DRG1: variants seen among roughly 807,000 people sequenced by gnomAD.
The protein encoded by DRG1 is developmentally-regulated GTP-binding protein 1.
In DRG1, 19 loss-of-function variants were observed where a neutral mutation model predicts 38.8. The ratio of observed to expected loss-of-function variants is 0.49; its 90% CI spans 0.34 to 0.72. The LOEUF is 0.72. DRG1 is among the 30% of genes least tolerant of loss of function. DRG1 has a pLI of 0.01. For synonymous variants in DRG1, 167 were observed against 157.5 expected, an observed-to-expected ratio of 1.06 and a Z score of -0.45; for missense variants, 299 against 444.8, an observed-to-expected ratio of 0.67 and a Z score of 2.95.
intron 8 of DRG1, among the ~76,000 whole-genome samples, chr22:31,429,496 C>A (rs1440418825): frequency 6.6e-6 from 1 of 152,008 alleles, no homozygotes; most frequent in Non-Finnish European, 1.5e-5. Context: ...GCTACCACTT[C>A]TTTATTTAAC....
intron 8 of DRG1, among the ~76,000 whole-genome samples, chr22:31,427,842 T>C (rs2050119575): frequency 6.6e-6 from 1 of 152,128 alleles, no homozygotes; most frequent in African/African-American, 2.4e-5. Context: ...CAAGTGATTC[T>C]CCTGCCTCAA....
intron 4 of DRG1, among the ~76,000 whole-genome samples, chr22:31,415,815 A>G (rs184217195): frequency 1.1e-4 from 17 of 152,146 alleles, no homozygotes; most frequent in East Asian, 7.7e-4. Flanking sequence ...AGGGTATCCA[A>G]TTTTAATTTT....
At chr22:31,418,328 A>C (rs2050055617) in intron 4 of DRG1, among the ~76,000 whole-genome samples, 1 of 152,048 alleles carries the variant, frequency 6.6e-6, no homozygotes, top group Admixed American at 6.6e-5. Flanking sequence ...GACATGGCAC[A>C]CATGTGTAGT....
chr22:31,430,916 C>T (rs755497958), intron 8 of DRG1, among the ~76,000 whole-genome samples: 7 of 150,928 alleles, frequency 4.6e-5, no homozygotes, highest in Non-Finnish European at 7.4e-5. Flanking sequence ...CAGGGTCTCC[C>T]TATGTTGCCC....
At chr22:31,432,613 AGATGGGGTTTCACCATGTTGGCCAG>A (rs2050145867) in intron 8 of DRG1, among the ~76,000 whole-genome samples, 1 of 151,992 alleles carries the variant, frequency 6.6e-6, no homozygotes, top group African/African-American at 2.4e-5. Context: ...TTTTTAGTAG[AGATGGGGTTTCACCATGTTGGCCAG>A]GATGGTCTCG....
intron 1 of DRG1, 103 bp downstream of exon 1, chr22:31,399,828 A>G (rs938102491): frequency 1.3e-6 from 2 of 1,548,006 alleles, no homozygotes; most frequent in Admixed American, 1.7e-5. Flanking sequence ...CCGGGCCTAG[A>G]TTCCGCGACT....
intron 8 of DRG1, 34 bp from the exon 9 acceptor site, chr22:31,433,837 AT>A (rs1569053689): frequency 1.3e-6 from 2 of 1,598,918 alleles, no homozygotes; most frequent in Non-Finnish European, 1.7e-6. Flanking sequence ...CTAGGTTATT[AT>A]TTACACTGAC....
chr22:31,420,355 G>A lies in DRG1; in HGVS notation c.512G>A (p.Arg171His), dbSNP rs1411976102. Residue 171 changes from arginine to histidine, a missense_variant, in exon 5 of 9, where the codon CGC (arginine) becomes CAC (histidine). Coordinates refer to ENST00000331457, the MANE Select transcript of DRG1 (RefSeq NM_004147.4). ...AATGAGCTGGAAGGCTTTGGCATTC[G>A]CTTGAACAGCAAACCCCCCAACATT... The part of the protein sequence containing the change: ...IENELEGFGI[R>H]LNSKPPNIGF... 5.0e-6 allele frequency: 8 copies of A among 1,614,132 alleles called. No individual in the cohort carries two copies. Among genetic ancestry groups the A allele is most frequent in the East Asian group, 2.2e-5 (1 of 44,882 alleles).
chr22:31,419,584 T>C (rs1019234546), intron 4 of DRG1, among the ~76,000 whole-genome samples: 3 of 151,984 alleles, frequency 2.0e-5, no homozygotes, highest in Non-Finnish European at 4.4e-5. Context: ...CTGGCAATAG[T>C]GGGGAAGATT....
chr22:31,418,999 G>C (rs1040299218), intron 4 of DRG1, among the ~76,000 whole-genome samples: 5 of 151,922 alleles, frequency 3.3e-5, no homozygotes. Flanking sequence ...ATTTTTAGCA[G>C]AGACAGGGTT....
chr22:31,408,042 C>G (rs1269530555), intron 3 of DRG1, among the ~76,000 whole-genome samples: 1 of 148,064 alleles, frequency 6.8e-6, no homozygotes, highest in Non-Finnish European at 1.5e-5. Flanking sequence ...AGGAGAATTA[C>G]TTGAACCTGA....
At chr22:31,407,623 A>G (rs1167140698) in intron 3 of DRG1, among the ~76,000 whole-genome samples, 3 of 151,524 alleles carry the variant, frequency 2.0e-5, no homozygotes, top group African/African-American at 7.3e-5. Context: ...GGCATGAGCC[A>G]CTGTCCTGGG....
Position 31,434,067 on chromosome 22 carries a change from G to A in DRG1, c.*96G>A, listed in dbSNP as rs1008602268. 2.5e-5 allele frequency: 30 copies of A among 1,214,388 alleles called. No individual in the cohort carries two copies. In the Admixed American group the frequency reaches 3.1e-4, roughly 12 times the overall value. 75.2% of individuals were successfully genotyped at this position (1,214,388 alleles called of 1,614,324 possible). A position where few individuals can be genotyped will look rare whatever the true frequency, so the allele number is the denominator to read the frequency against. On this transcript the variant is annotated 3_prime_UTR_variant, in exon 9 of 9. Coordinates refer to ENST00000331457, the MANE Select transcript of DRG1 (RefSeq NM_004147.4). ...TTCTTTCTGGTTTTGGCAGTCACTG[G>A]ATCAGGATCCAGGGGAGGGAGATGG...
intron 4 of DRG1, among the ~76,000 whole-genome samples, chr22:31,414,797 A>G (rs1178562433): frequency 8.7e-6 from 1 of 114,364 alleles, no homozygotes; most frequent in Non-Finnish European, 1.7e-5. Context: ...TTTTTTTTTT[A>G]GAGATAGGAT....
chr22:31,433,429 C>A (rs769653690), intron 8 of DRG1, among the ~76,000 whole-genome samples: 2 of 152,030 alleles, frequency 1.3e-5, no homozygotes, highest in African/African-American at 2.4e-5. Flanking sequence ...CGCCACCATG[C>A]CCAGCTAATT....
chr22:31,411,155 T>C, intron 4 of DRG1, 74 bp downstream of exon 4: 1 of 1,533,036 alleles, frequency 6.5e-7, no homozygotes, highest in Non-Finnish European at 9.0e-7. Flanking sequence ...CAGGGACTAC[T>C]TGGCTTGGAG....
chr22:31,420,130 A>C, intron 4 of DRG1, 126 bp from the exon 5 acceptor site: 1 of 974,232 alleles, frequency 1.0e-6, no homozygotes. Context: ...TCACGTATGC[A>C]TGTATGTATT....
chr22:31,401,217 G>A (rs1456558333), intron 2 of DRG1, among the ~76,000 whole-genome samples: 5 of 151,372 alleles, frequency 3.3e-5, no homozygotes, highest in Non-Finnish European at 5.9e-5. Flanking sequence ...CCAGGAGTTC[G>A]GAACCAGCAA....
chr22:31,429,643 T>G (rs2050129000), intron 8 of DRG1, among the ~76,000 whole-genome samples: 1 of 151,990 alleles, frequency 6.6e-6, no homozygotes, highest in South Asian at 2.1e-4. Context: ...CTGTGTTCTT[T>G]TGATAAGCTC....
Sources: gnomAD v4.1 joint callset for allele counts (sites outside exome capture counted in the v4.1 genomes callset) on GRCh38, gnomAD v4.1.1 for gene constraint, MANE v1.5 for transcripts, NCBI Gene and HGNC (gene_info 2026-07-23, HGNC 2026-07-21) for gene names.